The following PTPRO variants were observed in gnomAD, a reference collection of about 807,000 sequenced individuals.
PTPRO encodes the protein receptor-type tyrosine-protein phosphatase O.
PTPRO carries 62 observed loss-of-function variants against 145.2 expected under a neutral mutation model. The observed-to-expected ratio is 0.43, with a 90% CI of 0.35 to 0.53. The LOEUF is 0.53. PTPRO is among the 20% of genes least tolerant of loss of function. The probability of loss-of-function intolerance (pLI) is 0.01; values close to 1 mark genes in which losing one functional copy is unlikely to be tolerated. For missense variants in PTPRO, 1,345 were observed against 1,482.7 expected (o/e 0.91, Z 1.53); for synonymous variants, 565 against 514.7 (o/e 1.10, Z -1.32).
intron 19 of PTPRO, among the ~76,000 whole-genome samples, chr12:15,570,850 G>A (rs1483660239): frequency 6.6e-6 from 1 of 152,128 alleles, no homozygotes; most frequent in African/African-American, 2.4e-5. Context: ...TGCCCTTGGT[G>A]GCACAGCTGG....
At chr12:15,450,474 T>A (rs895188662) in intron 1 of PTPRO, among the ~76,000 whole-genome samples, 6 of 152,220 alleles carry the variant, frequency 3.9e-5, no homozygotes, top group African/African-American at 1.4e-4. Flanking sequence ...AAATGTTTCA[T>A]TTAATTCTTA....
rs1483277122 is a variant in PTPRO, at chr12:15,501,849, A to T, written c.891A>T (p.Pro297=). ...NSSDYETTSQ[P]YWWDSASAAP... ...GTGACTATGAAACTACGTCTCAGCC[A>T]TATTGGTGGGACAGTGCATCTGCAG... is the stretch of plus-strand genomic sequence containing the variant. The change falls in exon 5 of 27, where the codon CCA becomes CCT. Residue 297 remains proline, a synonymous_variant. Transcript: ENST00000281171. 1 of 1,614,126 alleles carries T rather than the reference A, an allele frequency of 6.2e-7. No individual in the cohort carries two copies. The highest frequency in any genetic ancestry group is 1.1e-5 in the South Asian group (1 of 91,084).
chr12:15,459,903 G>A (rs1941262763), intron 1 of PTPRO, among the ~76,000 whole-genome samples: 2 of 152,254 alleles, frequency 1.3e-5, no homozygotes, highest in East Asian at 3.9e-4. Context: ...GCAGAGTGTA[G>A]TGCTCCTCTA....
rs149173813 is a variant in PTPRO, at chr12:15,484,109, T to A, written c.211T>A (p.Phe71Ile). ...TGESKNYFFE[F>I]EEFNSTLPPP... ...TGAATCCAAAAATTATTTCTTCGAATTTGAGGAATTCAACAGCACTTTGCC... is the reference window on the plus strand; with the variant it reads ...TGAATCCAAAAATTATTTCTTCGAAATTGAGGAATTCAACAGCACTTTGCC... The change falls in exon 2 of 27, where the codon TTT becomes ATT. Residue 71 changes from phenylalanine to isoleucine, a missense_variant. Around this residue, in one of 3 missense-constraint regions of PTPRO, gnomAD observed 1,130 missense variants for 1,214.7 expected, o/e 0.93. Coordinates refer to ENST00000281171, the MANE Select transcript of PTPRO (RefSeq NM_030667.3). 4 of 1,613,760 alleles carry A rather than the reference T, an allele frequency of 2.5e-6. No individual in the cohort carries two copies. The highest frequency in any genetic ancestry group is 3.4e-6 in the Non-Finnish European group (4 of 1,179,858).
chr12:15,520,291 T>A lies in PTPRO; in HGVS notation c.1870T>A (p.Ser624Thr). 6.2e-7 allele frequency: 1 copy of A among 1,613,088 alleles called. No individual in the cohort carries two copies. Among genetic ancestry groups the A allele is most frequent in the Non-Finnish European group, 8.5e-7 (1 of 1,179,200 alleles). Residue 624 changes from serine (S) to threonine (T), a missense_variant, in exon 10 of 27, where the codon TCT becomes ACT. By Grantham distance (58) the Ser-to-Thr change is moderately conservative. Coordinates refer to ENST00000281171, the MANE Select transcript of PTPRO (RefSeq NM_030667.3). ...TCCAGAATTGAGCTGCTGTGACAGC[T>A]CTACCATCAGCTTCATAACAGGTGA... is the stretch of plus-strand genomic sequence containing the variant. ...GDPELSCCDS[S>T]TISFITAPVA...
intron 12 of PTPRO, among the ~76,000 whole-genome samples, chr12:15,544,627 T>C (rs530255075): frequency 2.6e-5 from 4 of 151,986 alleles, no homozygotes; most frequent in South Asian, 2.1e-4. Flanking sequence ...AATTCTGTAG[T>C]GTGCATTTTT....
At chr12:15,325,259 T>C (rs1473495597) in intron 1 of PTPRO, among the ~76,000 whole-genome samples, 2 of 152,160 alleles carry the variant, frequency 1.3e-5, no homozygotes, top group Non-Finnish European at 2.9e-5. Context: ...TTTCCACAAC[T>C]CAAAAATAAG....
chr12:15,409,540 A>G (rs954878540), intron 1 of PTPRO, among the ~76,000 whole-genome samples: 1 of 152,142 alleles, frequency 6.6e-6, no homozygotes, highest in Admixed American at 6.5e-5. Context: ...CTATTCTTAC[A>G]TTGCTATAAA....
In PTPRO at chr12:15,594,986, A is replaced by C; in HGVS notation, c.3596A>C (p.Lys1199Thr). ...HQCVQLMWMK[K>T]KQQFCISDVI... is the part of the protein sequence containing the mutation. Reference sequence around the variant, plus strand: ...TGTGTGCAACTGATGTGGATGAAGAAGAAGCAGCAGTTCTGCATCAGTGAT... The same window carrying C: ...TGTGTGCAACTGATGTGGATGAAGACGAAGCAGCAGTTCTGCATCAGTGAT... Residue 1199 changes from lysine to threonine, a missense_variant, in exon 26 of 27, where the codon AAG becomes ACG. Transcript: ENST00000281171. 1 of 1,613,954 alleles carries C rather than the reference A, an allele frequency of 6.2e-7. No individual in the cohort carries two copies. Among genetic ancestry groups the C allele is most frequent in the Non-Finnish European group, 8.5e-7 (1 of 1,179,880 alleles).
intron 1 of PTPRO, among the ~76,000 whole-genome samples, chr12:15,443,248 C>T (rs1481340162): frequency 6.6e-6 from 1 of 152,022 alleles, no homozygotes; most frequent in Non-Finnish European, 1.5e-5. Context: ...GAAATAATTG[C>T]CTATTCAGCA....
intron 1 of PTPRO, among the ~76,000 whole-genome samples, chr12:15,363,677 T>G (rs1938275833): frequency 6.6e-6 from 1 of 151,766 alleles, no homozygotes; most frequent in Non-Finnish European, 1.5e-5. Context: ...AAAAATAGAA[T>G]GTGGCACATG....
At chr12:15,440,299 T>G (rs1940726286) in intron 1 of PTPRO, 1 of 541,022 alleles carries the variant, frequency 1.8e-6, no homozygotes, top group Admixed American at 2.9e-5. Flanking sequence ...GGAAGGAGAC[T>G]GTATTCACCA....
chr12:15,388,256 C>G (rs1939085169), intron 1 of PTPRO, among the ~76,000 whole-genome samples: 1 of 148,836 alleles, frequency 6.7e-6, no homozygotes, highest in Non-Finnish European at 1.5e-5. Flanking sequence ...TAAATTTTAC[C>G]AAAAAAAAAT....
chr12:15,340,820 C>G (rs527658394), intron 1 of PTPRO, among the ~76,000 whole-genome samples: 2 of 152,172 alleles, frequency 1.3e-5, no homozygotes, highest in African/African-American at 4.8e-5. Context: ...TTGGCCTTTC[C>G]CTCCAAGAAA....
chr12:15,425,769 T>C (rs1474457592), intron 1 of PTPRO, among the ~76,000 whole-genome samples: 2 of 152,096 alleles, frequency 1.3e-5, no homozygotes, highest in Non-Finnish European at 2.9e-5. Flanking sequence ...TATATTTCAC[T>C]GTTCAATTTG....
intron 1 of PTPRO, among the ~76,000 whole-genome samples, chr12:15,433,488 T>C (rs1940509439): frequency 6.6e-6 from 1 of 152,214 alleles, no homozygotes; most frequent in Non-Finnish European, 1.5e-5. Context: ...CAGCCAGTTT[T>C]AGGCTTTACA....
chr12:15,462,446 A>G (rs1298135139), intron 1 of PTPRO, among the ~76,000 whole-genome samples: 2 of 152,140 alleles, frequency 1.3e-5, no homozygotes, highest in South Asian at 2.1e-4. Context: ...TTTAAGTGTC[A>G]TCTTCACCGT....
At chr12:15,502,732 C>T (rs1182075461) in intron 5 of PTPRO, among the ~76,000 whole-genome samples, 2 of 152,134 alleles carry the variant, frequency 1.3e-5, no homozygotes, top group Admixed American at 1.3e-4. Context: ...CCATGACTTT[C>T]AACAAGTTTG....
intron 10 of PTPRO, among the ~76,000 whole-genome samples, chr12:15,522,775 C>T (rs1167455376): frequency 2.0e-5 from 3 of 152,154 alleles, no homozygotes; most frequent in Non-Finnish European, 4.4e-5. Flanking sequence ...CAAATAGTGA[C>T]ATCTTGTGGC....
Sources: gnomAD v4.1 joint callset for allele counts (sites outside exome capture counted in the v4.1 genomes callset) on GRCh38, gnomAD v4.1.1 for gene constraint, gnomAD v4.1.1 regional missense constraint, MANE v1.5 for transcripts, NCBI Gene and HGNC (gene_info 2026-07-23, HGNC 2026-07-21) for gene names.